IL7: variants seen among roughly 807,000 people sequenced by gnomAD.
IL7 encodes the protein interleukin-7.
A neutral mutation model predicts 21.6 loss-of-function variants in IL7; 3 were observed. The ratio of observed to expected loss-of-function variants is 0.14; its 90% CI spans 0.06 to 0.36. The LOEUF is 0.36. Among genes scored for constraint, IL7 ranks in the 10% least tolerant of loss-of-function variants. The probability of loss-of-function intolerance (pLI) is 1.00; values close to 1 mark genes in which losing one functional copy is unlikely to be tolerated. For synonymous variants in IL7, 62 were observed against 68.1 expected (o/e 0.91, Z 0.44); for missense variants, 175 against 200.2 (o/e 0.87, Z 0.76).
chr8:78,784,199 C>A (rs1208914614), intron 2 of IL7, among the ~76,000 whole-genome samples: 2 of 152,118 alleles, frequency 1.3e-5, no homozygotes, highest in African/African-American at 4.8e-5. Flanking sequence ...GGTGGTAGTG[C>A]CTTATAAAGA....
At chr8:78,675,700 C>A, downstream of IL7, 6 of 1,208,464 alleles carry the variant, frequency 5.0e-6, no homozygotes, top group Non-Finnish European at 7.0e-6. Context: ...TGATAATTTA[C>A]CTATAAAACT....
Position 78,788,551 on chromosome 8 carries a change from T to C in IL7, c.147+9521A>G, listed in dbSNP as rs1461116161. ...TTTTCCACCTATTTTTCTTATTTTA[T>C]TGATTTCTACTTCAATTACATTTTG... On this transcript the variant is annotated intron_variant, in intron 2 of 5. Coordinates refer to ENST00000263851, the MANE Select transcript of IL7 (RefSeq NM_000880.4). Among the ~76,000 whole-genome samples, 8 of 152,352 alleles carry C rather than the reference T, an allele frequency of 5.3e-5. No individual in the cohort carries two copies. In the East Asian group the frequency reaches 1.5e-3, roughly 29 times the overall value.
downstream of IL7, among the ~76,000 whole-genome samples, chr8:78,713,026 G>A (rs543602184): frequency 1.2e-4 from 18 of 152,208 alleles, no homozygotes; most frequent in South Asian, 6.2e-4. Context: ...GCTGTGAGCC[G>A]TTTTTCATTT....
At chr8:78,746,610 GGTGGA>G (rs1426969847) in intron 2 of IL7, among the ~76,000 whole-genome samples, 5 of 152,170 alleles carry the variant, frequency 3.3e-5, no homozygotes, top group African/African-American at 9.7e-5. Context: ...CCTCTTGTAA[GGTGGA>G]GTATCTTTGT....
At chr8:78,786,238 T>C (rs1050581578) in intron 2 of IL7, among the ~76,000 whole-genome samples, 9 of 152,212 alleles carry the variant, frequency 5.9e-5, no homozygotes, top group African/African-American at 1.9e-4. Context: ...TAAGGTATAG[T>C]CTATTGCTCT....
intron 2 of IL7, chr8:78,760,065 G>T: frequency 6.6e-6 from 9 of 1,364,156 alleles, no homozygotes; most frequent in Non-Finnish European, 8.7e-6. Context: ...GATATTTAGT[G>T]ATTAAGTGGC....
intron 2 of IL7, among the ~76,000 whole-genome samples, chr8:78,780,508 C>T (rs55839840): frequency 0.07 from 10,610 of 152,128 alleles, 534 homozygotes; most frequent in East Asian, 0.14. Flanking sequence ...CATTCAGGAT[C>T]GGGTTGTTCA....
intron 2 of IL7, chr8:78,760,943 G>T: frequency 6.4e-7 from 1 of 1,557,360 alleles, no homozygotes; most frequent in South Asian, 1.2e-5. Flanking sequence ...TTTCCCAAAG[G>T]CTCTTGTAAA....
At position 78,752,265 on chromosome 8, in the gene IL7, A is replaced by ATTTAC. The variant is rs541568382; in HGVS notation, c.148-12184_148-12183insGTAAA. Among the ~76,000 whole-genome samples, 517 of 152,264 alleles carry ATTTAC rather than the reference A, an allele frequency of 3.4e-3. 3 individuals are homozygous for ATTTAC. Among genetic ancestry groups the ATTTAC allele is most frequent in the Non-Finnish European group, 5.5e-3 (374 of 68,016 alleles). Reference sequence around the variant, plus strand: ...TTACAGGTGTCCCTTTAATAGACTGATTTCCTTTCCTTTGGATAACTGCTT... The same window carrying ATTTAC: ...TTACAGGTGTCCCTTTAATAGACTGATTTACTTTCCTTTCCTTTGGATAACTGCTT... On this transcript the variant is annotated intron_variant, in intron 2 of 5. Transcript: ENST00000263851.
intron 2 of IL7, among the ~76,000 whole-genome samples, chr8:78,791,643 A>G (rs2130830592): frequency 6.6e-6 from 1 of 152,290 alleles, no homozygotes; most frequent in East Asian, 1.9e-4. Flanking sequence ...CTGTCTCTAA[A>G]TAAATCAATA....
intron 4 of IL7, among the ~76,000 whole-genome samples, chr8:78,677,503 G>T (rs1368977621): frequency 6.6e-6 from 1 of 152,104 alleles, no homozygotes; most frequent in African/African-American, 2.4e-5. Context: ...CTATTATTTT[G>T]TGTTAACTTT....
At chr8:78,767,580 C>A (rs887365022) in intron 2 of IL7, among the ~76,000 whole-genome samples, 1 of 152,000 alleles carries the variant, frequency 6.6e-6, no homozygotes, top group African/African-American at 2.4e-5. Flanking sequence ...TTAGCTTTCT[C>A]AGTCCTCCCA....
At chr8:78,738,464 A>G (rs1409543776) in intron 4 of IL7, 40 bp downstream of exon 4, 15 of 1,555,236 alleles carry the variant, frequency 9.6e-6, no homozygotes, top group Non-Finnish European at 1.3e-5. Context: ...GCACAGGAGT[A>G]TTTAATATTT....
chr8:78,697,767 C>G (rs1810473720), intron 3 of IL7, among the ~76,000 whole-genome samples: 1 of 151,556 alleles, frequency 6.6e-6, no homozygotes, highest in Non-Finnish European at 1.5e-5. Flanking sequence ...CAACCTTCGC[C>G]TCCCAGGTTC....
downstream of IL7, chr8:78,675,644 T>C (rs1375505285): frequency 4.5e-6 from 3 of 669,520 alleles, no homozygotes; most frequent in African/African-American, 3.7e-5. Context: ...TTTTCATAGA[T>C]AATTTTGCTT....
At chr8:78,712,894 G>T (rs1158757675) in intron 3 of IL7, among the ~76,000 whole-genome samples, 1 of 152,152 alleles carries the variant, frequency 6.6e-6, no homozygotes, top group African/African-American at 2.4e-5. Context: ...TGCTCAGTAT[G>T]TATGTATGAA....
chr8:78,770,633 A>G (rs1447229870), intron 2 of IL7, among the ~76,000 whole-genome samples: 2 of 152,086 alleles, frequency 1.3e-5, no homozygotes, highest in Non-Finnish European at 2.9e-5. Flanking sequence ...GGTATCAATC[A>G]TCTTCTCTTA....
At chr8:78,684,063 T>C (rs1314555307) in intron 4 of IL7, among the ~76,000 whole-genome samples, 1 of 152,200 alleles carries the variant, frequency 6.6e-6, no homozygotes, top group African/African-American at 2.4e-5. Context: ...TTCCAAACTT[T>C]CCCACATTTT....
chr8:78,779,216 G>T (rs1300566204), intron 2 of IL7, among the ~76,000 whole-genome samples: 1 of 152,066 alleles, frequency 6.6e-6, no homozygotes. Flanking sequence ...CTTCCTATTT[G>T]CCTACCTTTA....
Sources: gnomAD v4.1 joint callset for allele counts (sites outside exome capture counted in the v4.1 genomes callset) on GRCh38, gnomAD v4.1.1 for gene constraint, MANE v1.5 for transcripts, NCBI Gene and HGNC (gene_info 2026-07-23, HGNC 2026-07-21) for gene names.